PUS10: variants seen among roughly 807,000 people sequenced by gnomAD.
PUS10 encodes tRNA pseudouridine synthase Pus10.
In PUS10, 59 loss-of-function variants were observed where a neutral mutation model predicts 75.0. That is an observed-to-expected ratio of 0.79 (90% CI 0.64 to 0.98). The LOEUF (loss-of-function observed/expected upper bound fraction) is 0.98, where lower values mean the gene tolerates loss of function less well. Ranked by LOEUF, PUS10 falls within the 50% of genes least tolerant of loss-of-function variation. The pLI is 0.00. For synonymous variants in PUS10, 219 were observed against 211.6 expected (o/e 1.03, Z -0.30); for missense variants, 650 against 614.4 (o/e 1.06, Z -0.61).
At chr2:61,004,488 G>A (rs776367125) in intron 4 of PUS10, among the ~76,000 whole-genome samples, 2 of 151,962 alleles carry the variant, frequency 1.3e-5, no homozygotes, top group African/African-American at 4.8e-5. Context: ...AATTAGCCGG[G>A]CATGGTGGCG....
intron 11 of PUS10, among the ~76,000 whole-genome samples, chr2:60,956,640 C>T (rs1675669347): frequency 6.6e-6 from 1 of 152,142 alleles, no homozygotes; most frequent in South Asian, 2.1e-4. Flanking sequence ...GCATTTGATT[C>T]AGACTAAAGG....
At chr2:61,007,442 C>CA (rs1165952140) in intron 3 of PUS10, among the ~76,000 whole-genome samples, 13 of 151,766 alleles carry the variant, frequency 8.6e-5, no homozygotes, top group South Asian at 2.1e-4. Context: ...GCCTGGGTGA[C>CA]AGAGTGGGAC....
At chr2:60,963,530 A>G (rs562492410) in intron 8 of PUS10, among the ~76,000 whole-genome samples, 1 of 152,374 alleles carries the variant, frequency 6.6e-6, no homozygotes, top group African/African-American at 2.4e-5. Flanking sequence ...TAATTAGTGC[A>G]TATATACATG....
At position 60,948,122 on chromosome 2, in the gene PUS10, C is replaced by T; in HGVS notation, c.1372G>A (p.Ala458Thr). The part of the protein sequence containing the change: ...VLHRRPLAVR[A>T]RVIHFMETQY... ...GTCTCCATGAAGTGAATGACGCGAG[C>T]TCGCACAGCCAGGGGCCTTCGGTGA... Residue 458 changes from alanine to threonine, a missense_variant, in exon 16 of 18, where the codon GCT (alanine) becomes ACT (threonine). Physicochemically the swap from Ala to Thr is moderately conservative, Grantham distance 58. Coordinates refer to ENST00000316752, the MANE Select transcript of PUS10 (RefSeq NM_144709.4). The T allele has an allele frequency of 2.5e-6, 4 of 1,614,136 alleles. No individual in the cohort carries two copies. The South Asian group carries it at 4.4e-5, about 18-fold the overall frequency.
chr2:60,974,640 G>A (rs1676917308), intron 4 of PUS10, among the ~76,000 whole-genome samples: 1 of 152,172 alleles, frequency 6.6e-6, no homozygotes, highest in Non-Finnish European at 1.5e-5. Flanking sequence ...GGTTTCTAGC[G>A]TCTCCAAATT....
rs763266573 is a variant in PUS10 at position 61,008,744 on chromosome 2, A to G, written c.381+17T>C. On this transcript the variant is annotated intron_variant, in intron 3 of 17. Coordinates refer to ENST00000316752, the MANE Select transcript of PUS10 (RefSeq NM_144709.4). ...TCTCTACATAATTGCACCTATAATGAAAAACAGGTTATTTACCTTTTTAAT... is the reference window on the plus strand; with the variant it reads ...TCTCTACATAATTGCACCTATAATGGAAAACAGGTTATTTACCTTTTTAAT... 4 of 1,530,958 alleles carry G rather than the reference A, an allele frequency of 2.6e-6. No individual in the cohort carries two copies. The South Asian group carries it at 4.9e-5, about 19-fold the overall frequency. The allele number at this position is 1,530,958 out of a possible 1,614,324, so 94.8% of individuals were successfully genotyped here. A position where few individuals can be genotyped will look rare whatever the true frequency, so the allele number is the denominator to read the frequency against.
intron 2 of PUS10, 45 bp downstream of exon 2, chr2:61,011,719 GA>G: frequency 7.4e-7 from 1 of 1,354,306 alleles, no homozygotes; most frequent in South Asian, 1.5e-5. Context: ...AAAATACAGA[GA>G]ACCTTCTCTT....
At chr2:60,953,168 C>T (rs1483013006) in intron 14 of PUS10, 54 bp from the exon 15 acceptor site, 1 of 981,158 alleles carries the variant, frequency 1.0e-6, no homozygotes, top group South Asian at 1.4e-5. Flanking sequence ...TACAAAAAAA[C>T]CTTGCCCTGA....
At chr2:60,958,284 G>A (rs778571307) in intron 11 of PUS10, among the ~76,000 whole-genome samples, 38 of 152,208 alleles carry the variant, frequency 2.5e-4, no homozygotes, top group East Asian at 3.9e-4. Flanking sequence ...CAAATTAAGC[G>A]GGTAAAAGCT....
Position 60,960,527 on chromosome 2 carries a change from A to C in PUS10, c.875-10T>G. The stretch of plus-strand genomic sequence containing the variant: ...TATTTATTATATCTCCCTGAGAAAG[A>C]AATAATCAGATAGCCTGGATGGAAT... On this transcript the variant is annotated splice_polypyrimidine_tract_variant and intron_variant, in intron 10 of 17. Coordinates refer to ENST00000316752, the MANE Select transcript of PUS10 (RefSeq NM_144709.4). The C allele has an allele frequency of 6.4e-7, 1 of 1,566,466 alleles. No individual in the cohort carries two copies. Among genetic ancestry groups the C allele is most frequent in the Non-Finnish European group, 8.6e-7 (1 of 1,162,766 alleles).
At chr2:60,964,446 T>C (rs1258037633) in intron 8 of PUS10, among the ~76,000 whole-genome samples, 3 of 152,198 alleles carry the variant, frequency 2.0e-5, no homozygotes, top group Admixed American at 2.0e-4. Context: ...ATGACCAATA[T>C]CGCACCACAT....
chr2:61,017,893 A>G, intron 1 of PUS10, 115 bp downstream of exon 1: 1 of 1,532,942 alleles, frequency 6.5e-7, no homozygotes, highest in Non-Finnish European at 8.8e-7. Flanking sequence ...AGTGGGCCCG[A>G]GCGGGGACTT....
In PUS10 at chr2:60,965,074, G is replaced by A; in HGVS notation, c.707C>T (p.Pro236Leu). 6.2e-7 allele frequency: 1 copy of A among 1,613,630 alleles called. No homozygotes were observed. The highest frequency in any genetic ancestry group is 1.1e-5 in the South Asian group (1 of 91,036). The change falls in exon 8 of 18, where the codon CCA becomes CTA. Residue 236 changes from proline to leucine, a missense_variant. Pro to Leu is a moderately conservative substitution (Grantham distance 98). Coordinates refer to ENST00000316752, the MANE Select transcript of PUS10 (RefSeq NM_144709.4). ...TTTCCTTACCTGTTTGTTTTTGGCTGGCTTAAAACAATCTGGGCATATCGC... is the reference window on the plus strand; with the variant it reads ...TTTCCTTACCTGTTTGTTTTTGGCTAGCTTAAAACAATCTGGGCATATCGC... ...LAAICPDCFKPAKNKQSVFTR... is the reference protein window; with the variant it reads ...LAAICPDCFKLAKNKQSVFTR...
Position 60,976,854 on chromosome 2 carries a change from C to T in PUS10, c.469-5297G>A, listed in dbSNP as rs146948625. Among the ~76,000 whole-genome samples the T allele has an allele frequency of 1.2e-3, 181 of 152,208 alleles. 1 individual carries two copies. The highest frequency in any genetic ancestry group is 4.2e-3 in the African/African-American group (174 of 41,526). ...AAGATAATTTTGATAAATGTTCTGT[C>T]CCTTAGTGAATAGAAAAAAATCTAT... On this transcript the variant is annotated intron_variant, in intron 4 of 17. Transcript: ENST00000316752.
chr2:60,994,611 G>T (rs1034486705), intron 4 of PUS10, among the ~76,000 whole-genome samples: 1 of 152,084 alleles, frequency 6.6e-6, no homozygotes, highest in Admixed American at 6.5e-5. Context: ...TAAACTGGTG[G>T]TTTACCATTA....
chr2:60,959,640 C>T (rs1675893039), intron 11 of PUS10, among the ~76,000 whole-genome samples: 1 of 152,158 alleles, frequency 6.6e-6, no homozygotes. Flanking sequence ...TCGCCCGCCT[C>T]AGCCACCCAG....
chr2:61,004,628 C>CAAAAAAA (rs70959883), intron 4 of PUS10, among the ~76,000 whole-genome samples: 14 of 67,266 alleles, frequency 2.1e-4, no homozygotes, highest in Non-Finnish European at 3.1e-4. Context: ...GACTCCGTCT[C>CAAAAAAA]AAAAAAAAAA....
Position 61,006,550 on chromosome 2 carries a change from A to G in PUS10, c.468+7T>C. 6.2e-7 allele frequency: 1 copy of G among 1,603,880 alleles called. No individual in the cohort carries two copies. The highest frequency in any genetic ancestry group is 2.2e-5 in the East Asian group (1 of 44,740). On this transcript the variant is annotated splice_region_variant and intron_variant, in intron 4 of 17. Transcript: ENST00000316752. Reference sequence around the variant, plus strand: ...ACATACAGTTTTATGCATGCAAATGACCTTACCTCTCTTACAGATAGTTGT... The same window carrying G: ...ACATACAGTTTTATGCATGCAAATGGCCTTACCTCTCTTACAGATAGTTGT...
At chr2:61,017,293 C>G (rs1680063065) in intron 1 of PUS10, 2 of 153,616 alleles carry the variant, frequency 1.3e-5, no homozygotes, top group Admixed American at 6.5e-5. Context: ...AACAAAAGTA[C>G]CAGCCCGCTC....
Sources: gnomAD v4.1 joint callset for allele counts (sites outside exome capture counted in the v4.1 genomes callset) on GRCh38, gnomAD v4.1.1 for gene constraint, MANE v1.5 for transcripts, NCBI Gene and HGNC (gene_info 2026-07-23, HGNC 2026-07-21) for gene names.